The following SNX19 variants were observed in gnomAD, a reference collection of about 807,000 sequenced individuals.
SNX19 encodes sorting nexin-19.
In SNX19, 60 loss-of-function variants were observed where a neutral mutation model predicts 85.2. The ratio of observed to expected loss-of-function variants is 0.70; its 90% CI spans 0.57 to 0.87. The LOEUF (loss-of-function observed/expected upper bound fraction) is 0.87, where lower values mean the gene tolerates loss of function less well. Among genes scored for constraint, SNX19 ranks in the 40% least tolerant of loss-of-function variants. SNX19 has a pLI of 0.00. For missense variants in SNX19, 1,201 were observed against 1,217.8 expected (o/e 0.99, Z 0.21); for synonymous variants, 520 against 470.0 (o/e 1.11, Z -1.38).
Position 130,878,425 on chromosome 11 carries a change from A to G in SNX19, c.2976T>C (p.Ser992=), listed in dbSNP as rs1387558764. 6.2e-7 allele frequency: 1 copy of G among 1,613,498 alleles called. No individual in the cohort carries two copies. Among genetic ancestry groups the G allele is most frequent in the East Asian group, 2.2e-5 (1 of 44,852 alleles). ...GGAAGAAGGCGTGAATAACCAGCTA[A>G]GAGGAGACACCCATCCTCTTAGAGT... is the stretch of plus-strand genomic sequence containing the variant. The part of the protein sequence containing the change: ...PGNSKRMGVS[S] Residue 992 remains serine (S), a synonymous_variant, in exon 11 of 11, where the codon TCT becomes TCC. Transcript: ENST00000265909.
Position 130,916,114 on chromosome 11 carries a change from C to T in SNX19, c.-175G>A. Reference sequence around the variant, plus strand: ...GCACTGCAAAGCGACAGCTGCAGCTCCGCGTCTCCCCATGGCTACCACTAA... The same window carrying T: ...GCACTGCAAAGCGACAGCTGCAGCTTCGCGTCTCCCCATGGCTACCACTAA... On this transcript the variant is annotated 5_prime_UTR_variant, in exon 1 of 11. Coordinates refer to ENST00000265909, the MANE Select transcript of SNX19 (RefSeq NM_014758.3). 1.6e-6 allele frequency: 1 copy of T among 610,576 alleles called. No individual in the cohort carries two copies. Among genetic ancestry groups the T allele is most frequent in the Non-Finnish European group, 2.9e-6 (1 of 347,104 alleles). 37.8% of individuals were successfully genotyped at this position (610,576 alleles called of 1,614,324 possible).
rs1406563809 is a variant in SNX19 at position 130,873,956 on chromosome 11, T to C, written c.*4466A>G. ...AAATACTATTGAAAGCCAATCACAA[T>C]GCCATTCTCAGTGTCAGTGGATTGG... On this transcript the variant is annotated 3_prime_UTR_variant, in exon 11 of 11. Transcript: ENST00000265909. Among the ~76,000 whole-genome samples, 1 of 152,160 alleles carries C rather than the reference T, an allele frequency of 6.6e-6. No homozygotes were observed. The highest frequency in any genetic ancestry group is 1.5e-5 in the Non-Finnish European group (1 of 68,012).
intron 2 of SNX19, among the ~76,000 whole-genome samples, chr11:130,910,964 G>A (rs1565549696): frequency 1.3e-5 from 2 of 152,124 alleles, no homozygotes; most frequent in Non-Finnish European, 2.9e-5. Context: ...GGAGGCCGAG[G>A]TGGGTAGATT....
rs1942757676 is a variant in SNX19 at position 130,866,257 on chromosome 11, G to C, written c.*12165C>G. Reference sequence around the variant, plus strand: ...TCAATTTAGGAATCAAGAAACATTTGTGTATCTATTTACTAAGCATTTTTT... The same window carrying C: ...TCAATTTAGGAATCAAGAAACATTTCTGTATCTATTTACTAAGCATTTTTT... On this transcript the variant is annotated 3_prime_UTR_variant, in exon 11 of 11. Transcript: ENST00000265909. The C allele has an allele frequency of 6.6e-6, 1 of 152,218 alleles. No individual in the cohort carries two copies. Among genetic ancestry groups the C allele is most frequent in the Non-Finnish European group, 1.5e-5 (1 of 68,046 alleles). The allele number at this position is 152,218 out of a possible 1,614,324, so 9.4% of individuals were successfully genotyped here. A position where few individuals can be genotyped will look rare whatever the true frequency, so the allele number is the denominator to read the frequency against.
In SNX19 at chr11:130,871,172, A is replaced by C. The variant is rs1943013286; in HGVS notation, c.*7250T>G. Among the ~76,000 whole-genome samples, 1 of 152,130 alleles carries C rather than the reference A, an allele frequency of 6.6e-6. No homozygotes were observed. Among genetic ancestry groups the C allele is most frequent in the African/African-American group, 2.4e-5 (1 of 41,426 alleles). On this transcript the variant is annotated 3_prime_UTR_variant, in exon 11 of 11. Transcript: ENST00000265909. ...TAAAAAATCCCTAGATTTTTTTGGA[A>C]GTTTCTCGTCTAACCTCCTGCCTAA... is the stretch of plus-strand genomic sequence containing the variant.
At chr11:130,908,186 G>T in intron 4 of SNX19, 103 bp from the exon 5 acceptor site, 1 of 1,360,962 alleles carries the variant, frequency 7.3e-7, no homozygotes. Context: ...GACAAGGAGA[G>T]GGGCCAGGCT....
At chr11:130,907,340 A>G (rs1263931160) in intron 5 of SNX19, among the ~76,000 whole-genome samples, 2 of 152,100 alleles carry the variant, frequency 1.3e-5, no homozygotes, top group Non-Finnish European at 2.9e-5. Flanking sequence ...ACACACACAC[A>G]TACACACATG....
At chr11:130,894,725 C>T (rs1404320643) in intron 8 of SNX19, 4 of 985,264 alleles carry the variant, frequency 4.1e-6, no homozygotes, top group Non-Finnish European at 4.8e-6. Flanking sequence ...TAAAAATATT[C>T]CAGGTTGCTT....
Position 130,882,339 on chromosome 11 carries a change from G to A in SNX19, c.2574-1533C>T, listed in dbSNP as rs373493311. ...GCCATCACTCCTCGCTCCTATACTC[G>A]AGTCACTTGTCACTCATCCAAGAGC... On this transcript the variant is annotated intron_variant, in intron 8 of 10. Coordinates refer to ENST00000265909, the MANE Select transcript of SNX19 (RefSeq NM_014758.3). 3.9e-5 allele frequency among the ~76,000 whole-genome samples: 6 copies of A among 152,130 alleles called. No homozygotes were observed. In the East Asian group the frequency reaches 9.7e-4, roughly 24 times the overall value.
chr11:130,895,479 T>C (rs1176260739), intron 8 of SNX19, among the ~76,000 whole-genome samples: 1 of 152,180 alleles, frequency 6.6e-6, no homozygotes, highest in Non-Finnish European at 1.5e-5. Flanking sequence ...GAAGATATAA[T>C]GGTAAATAAG....
rs922335434 is a variant in SNX19, at chr11:130,877,101, G to A, written c.*1321C>T. On this transcript the variant is annotated 3_prime_UTR_variant, in exon 11 of 11. Transcript: ENST00000265909. ...CAGTCTAACTCCAAGACCTTCCTCCGAGTGGTAGGCTCTGGTAATTCAGCG... is the reference window on the plus strand; with the variant it reads ...CAGTCTAACTCCAAGACCTTCCTCCAAGTGGTAGGCTCTGGTAATTCAGCG... 6.6e-6 allele frequency: 1 copy of A among 152,226 alleles called. No homozygotes were observed. The highest frequency in any genetic ancestry group is 1.5e-5 in the Non-Finnish European group (1 of 68,034). 9.4% of individuals were successfully genotyped at this position (152,226 alleles called of 1,614,324 possible).
intron 8 of SNX19, among the ~76,000 whole-genome samples, chr11:130,887,870 TG>T (rs1397311855): frequency 1.3e-5 from 2 of 152,196 alleles, no homozygotes; most frequent in Non-Finnish European, 2.9e-5. Flanking sequence ...CTCCATCCTC[TG>T]GGTGTGCTGC....
intron 8 of SNX19, among the ~76,000 whole-genome samples, chr11:130,891,757 T>C (rs988471978): frequency 6.6e-6 from 1 of 152,004 alleles, no homozygotes; most frequent in African/African-American, 2.4e-5. Flanking sequence ...ATTTTTAGGA[T>C]AAATAAGACT....
chr11:130,914,407 G>C lies in SNX19; in HGVS notation c.1533C>G (p.Leu511=), dbSNP rs771597578. The change falls in exon 1 of 11, where the codon CTC becomes CTG. Residue 511 remains leucine, a synonymous_variant. Coordinates refer to ENST00000265909, the MANE Select transcript of SNX19 (RefSeq NM_014758.3). ...VLLSSSPPGP[L]SSATFSFEPL... is the part of the protein sequence containing the mutation. ...GCTCAAAGCTGAAGGTGGCTGAGCT[G>C]AGAGGACCAGGTGGAGAGGAGGAAA... is the stretch of plus-strand genomic sequence containing the variant. 1 of 1,613,958 alleles carries C rather than the reference G, an allele frequency of 6.2e-7. No homozygotes were observed. Among genetic ancestry groups the C allele is most frequent in the Admixed American group, 1.7e-5 (1 of 60,016 alleles).
chr11:130,878,121 A>G lies in SNX19; in HGVS notation c.*301T>C, dbSNP rs1245279362. ...CAATCTCAGGGAGGATGGCAAAAGG[A>G]GAAGCAAAAGGGGTTCATTCCTCTA... is the stretch of plus-strand genomic sequence containing the variant. On this transcript the variant is annotated 3_prime_UTR_variant, in exon 11 of 11. Coordinates refer to ENST00000265909, the MANE Select transcript of SNX19 (RefSeq NM_014758.3). 9.0e-6 allele frequency: 2 copies of G among 222,556 alleles called. No individual in the cohort carries two copies. Among genetic ancestry groups the G allele is most frequent in the Non-Finnish European group, 1.8e-5 (2 of 112,214 alleles). 13.8% of individuals were successfully genotyped at this position (222,556 alleles called of 1,614,324 possible). A position where few individuals can be genotyped will look rare whatever the true frequency, so the allele number is the denominator to read the frequency against.
chr11:130,911,303 T>C, intron 2 of SNX19: 1 of 352,422 alleles, frequency 2.8e-6, no homozygotes, highest in Admixed American at 5.4e-5. Flanking sequence ...AATATTTTAA[T>C]ATTTAAGAAC....
At chr11:130,905,893 G>A in intron 7 of SNX19, 60 bp downstream of exon 7, 1 of 1,613,516 alleles carries the variant, frequency 6.2e-7, no homozygotes, top group East Asian at 2.2e-5. Context: ...ACTACCCCAA[G>A]TACCAAGTGG....
At chr11:130,896,037 C>T (rs1944853241) in intron 8 of SNX19, among the ~76,000 whole-genome samples, 1 of 152,194 alleles carries the variant, frequency 6.6e-6, no homozygotes, top group African/African-American at 2.4e-5. Context: ...CTGAGCAAAG[C>T]CATCAATGAG....
Position 130,868,995 on chromosome 11 carries a change from C to T in SNX19, c.*9427G>A, listed in dbSNP as rs1565490636. 6.6e-6 allele frequency: 1 copy of T among 152,192 alleles called. No individual in the cohort carries two copies. The highest frequency in any genetic ancestry group is 1.5e-5 in the Non-Finnish European group (1 of 68,032). 9.4% of individuals were successfully genotyped at this position (152,192 alleles called of 1,614,324 possible). On this transcript the variant is annotated 3_prime_UTR_variant, in exon 11 of 11. Coordinates refer to ENST00000265909, the MANE Select transcript of SNX19 (RefSeq NM_014758.3). ...AGTCTGTTACATGCCTGTCACTGGG[C>T]TATGCACCCGAGGATGGAGGCACTA...
Sources: gnomAD v4.1 joint callset for allele counts (sites outside exome capture counted in the v4.1 genomes callset) on GRCh38, gnomAD v4.1.1 for gene constraint, MANE v1.5 for transcripts, NCBI Gene and HGNC (gene_info 2026-07-23, HGNC 2026-07-21) for gene names.